The following NR1H4 variants were observed in gnomAD, a reference collection of about 807,000 sequenced individuals.
The protein encoded by NR1H4 is nuclear receptor subfamily 1 group H member 4.
A neutral mutation model predicts 58.5 loss-of-function variants in NR1H4; 23 were observed. That is an observed-to-expected ratio of 0.39 (90% CI 0.28 to 0.56). NR1H4 has a LOEUF of 0.56. NR1H4 is among the 20% of genes least tolerant of loss of function. NR1H4 has a pLI of 0.58. For synonymous variants in NR1H4, 214 were observed against 198.0 expected (o/e 1.08, Z -0.68); for missense variants, 487 against 576.9 (o/e 0.84, Z 1.60).
chr12:100,544,556 C>A (rs1031893048), intron 9 of NR1H4, among the ~76,000 whole-genome samples: 1 of 152,016 alleles, frequency 6.6e-6, no homozygotes, highest in African/African-American at 2.4e-5. Context: ...AATATTTATT[C>A]TGCAGTCTTG....
At chr12:100,475,159 A>ATCTATCTATCTATCTATCTATCTATCT (rs1555330004) in intron 1 of NR1H4, among the ~76,000 whole-genome samples, 2 of 147,860 alleles carry the variant, frequency 1.4e-5, no homozygotes, top group African/African-American at 5.2e-5. Flanking sequence ...CTATCTATCT[A>ATCTATCTATCTATCTATCTATCTATCT]AATTTTTTTT....
At chr12:100,481,782 C>T (rs1466376579) in intron 1 of NR1H4, among the ~76,000 whole-genome samples, 3 of 151,976 alleles carry the variant, frequency 2.0e-5, no homozygotes, top group South Asian at 2.1e-4. Flanking sequence ...GGCATGGTGG[C>T]GGGTGCCTGT....
At chr12:100,519,540 G>A (rs950795259) in intron 4 of NR1H4, among the ~76,000 whole-genome samples, 3 of 152,148 alleles carry the variant, frequency 2.0e-5, no homozygotes, top group Admixed American at 1.3e-4. Context: ...CCTTCATTCA[G>A]CTCAGGTGGG....
At chr12:100,543,864 GCAGAA>G (rs1954996010) in intron 9 of NR1H4, among the ~76,000 whole-genome samples, 1 of 152,108 alleles carries the variant, frequency 6.6e-6, no homozygotes, top group Non-Finnish European at 1.5e-5. Context: ...CTCTCTTTAT[GCAGAA>G]AACTACAATG....
chr12:100,513,589 G>A lies in NR1H4; in HGVS notation c.445+2446G>A, dbSNP rs144158855. On this transcript the variant is annotated intron_variant, in intron 4 of 10. Transcript: ENST00000392986. ...GTGGGGGGATCACCTAAGGTCAGGA[G>A]TTCAAGACCAGCCTGGCCAACATGG... Among the ~76,000 whole-genome samples the A allele has an allele frequency of 4.8e-3, 736 of 152,232 alleles. 6 individuals carry two copies. The highest frequency in any genetic ancestry group is 0.016 in the African/African-American group (662 of 41,540).
rs942946073 is a variant in NR1H4 at position 100,506,030 on chromosome 12, CACACACACACACAG to C, written c.80-4746_80-4733del. ...ACACACACACACACACACACACACA[CACACACACACACAG>C]AGAGAGAGAGAGAACATGAGCATAT... On this transcript the variant is annotated intron_variant, in intron 3 of 10. Coordinates refer to ENST00000392986, the MANE Select transcript of NR1H4 (RefSeq NM_001206979.2). Among the ~76,000 whole-genome samples, 49 of 149,532 alleles carry C rather than the reference CACACACACACACAG, an allele frequency of 3.3e-4. 1 individual carries two copies. In the South Asian group the frequency reaches 9.6e-3, roughly 29 times the overall value.
chr12:100,494,832 A>AT (rs1174687578), intron 3 of NR1H4, among the ~76,000 whole-genome samples: 8 of 152,120 alleles, frequency 5.3e-5, no homozygotes, highest in Admixed American at 4.6e-4. Flanking sequence ...TGCACTCAAG[A>AT]TTTTTTTTCA....
intron 9 of NR1H4, among the ~76,000 whole-genome samples, chr12:100,559,889 A>G (rs1259129478): frequency 6.6e-6 from 1 of 152,192 alleles, no homozygotes; most frequent in Non-Finnish European, 1.5e-5. Flanking sequence ...TAGCTCAGGG[A>G]TTATAAACAC....
At chr12:100,498,150 G>A (rs1043149582) in intron 3 of NR1H4, among the ~76,000 whole-genome samples, 1 of 152,192 alleles carries the variant, frequency 6.6e-6, no homozygotes, top group Non-Finnish European at 1.5e-5. Flanking sequence ...GGAAGGAATG[G>A]GCTGTGTGGG....
At position 100,503,298 on chromosome 12, in the gene NR1H4, C is replaced by T. The variant is rs1323733318; in HGVS notation, c.80-7480C>T. Reference sequence around the variant, plus strand: ...ATAAACATTTACAAATATTCTGCTCCGTAATGAAGTTAATCAGTAAACCAC... The same window carrying T: ...ATAAACATTTACAAATATTCTGCTCTGTAATGAAGTTAATCAGTAAACCAC... On this transcript the variant is annotated intron_variant, in intron 3 of 10. Coordinates refer to ENST00000392986, the MANE Select transcript of NR1H4 (RefSeq NM_001206979.2). The T allele has an allele frequency of 1.6e-5, 24 of 1,460,374 alleles. 1 individual carries two copies. Among genetic ancestry groups the T allele is most frequent in the East Asian group, 7.6e-5 (3 of 39,334 alleles). 90.5% of individuals were successfully genotyped at this position (1,460,374 alleles called of 1,614,324 possible).
At chr12:100,505,300 G>A (rs1013042846) in intron 3 of NR1H4, among the ~76,000 whole-genome samples, 2 of 152,270 alleles carry the variant, frequency 1.3e-5, no homozygotes, top group South Asian at 4.2e-4. Flanking sequence ...GGGGTACAGT[G>A]GTTCTGGTCC....
intron 8 of NR1H4, 34 bp downstream of exon 8, chr12:100,537,081 G>C: frequency 7.6e-7 from 1 of 1,323,282 alleles, no homozygotes; most frequent in Non-Finnish European, 1.1e-6. Context: ...AATATTTATT[G>C]AGAGTTTAAA....
chr12:100,503,639 T>G, intron 3 of NR1H4: 1 of 795,962 alleles, frequency 1.3e-6, no homozygotes, highest in Non-Finnish European at 1.8e-6. Context: ...GAATGAGAGT[T>G]TGGGTTGGGG....
chr12:100,543,812 G>C (rs1359410383), intron 9 of NR1H4, among the ~76,000 whole-genome samples: 2 of 152,062 alleles, frequency 1.3e-5, no homozygotes, highest in African/African-American at 4.8e-5. Context: ...ACATGTATGG[G>C]TATAATTGTT....
intron 3 of NR1H4, among the ~76,000 whole-genome samples, chr12:100,502,196 G>A (rs1953851259): frequency 6.6e-6 from 1 of 152,196 alleles, no homozygotes; most frequent in Non-Finnish European, 1.5e-5. Context: ...AATAAAGGCA[G>A]AAAATGGTTC....
chr12:100,559,550 G>A (rs918468244), intron 9 of NR1H4, among the ~76,000 whole-genome samples: 8 of 152,204 alleles, frequency 5.3e-5, no homozygotes, highest in Admixed American at 3.3e-4. Flanking sequence ...GGGTGTACTG[G>A]GTCCCCCAGC....
At chr12:100,496,000 A>G (rs899803008) in intron 3 of NR1H4, among the ~76,000 whole-genome samples, 2 of 152,176 alleles carry the variant, frequency 1.3e-5, no homozygotes, top group African/African-American at 4.8e-5. Flanking sequence ...AACTGCCCAG[A>G]AAGCTGGACT....
chr12:100,497,418 G>C (rs1479933731), intron 3 of NR1H4, among the ~76,000 whole-genome samples: 1 of 152,140 alleles, frequency 6.6e-6, no homozygotes, highest in African/African-American at 2.4e-5. Flanking sequence ...GATCAGAGAC[G>C]GGCTGAAGGG....
chr12:100,475,499 G>A (rs1025185560), intron 1 of NR1H4, among the ~76,000 whole-genome samples: 2 of 152,174 alleles, frequency 1.3e-5, no homozygotes, highest in African/African-American at 4.8e-5. Context: ...GAGAGGGAAA[G>A]TCATGGAATC....
Sources: gnomAD v4.1 joint callset for allele counts (sites outside exome capture counted in the v4.1 genomes callset) on GRCh38, gnomAD v4.1.1 for gene constraint, MANE v1.5 for transcripts, NCBI Gene and HGNC (gene_info 2026-07-23, HGNC 2026-07-21) for gene names.